Variants in ERI1 observed in about 807,000 individuals in gnomAD.
ERI1 encodes exoribonuclease 1, also known as 3'-5' exoribonuclease 1.
A neutral mutation model predicts 39.7 loss-of-function variants in ERI1; 39 were observed. The observed-to-expected ratio is 0.98, with a 90% confidence interval of 0.76 to 1.28. The LOEUF (loss-of-function observed/expected upper bound fraction) is 1.28, where lower values mean the gene tolerates loss of function less well. Among genes scored for constraint, ERI1 ranks in the 50% most tolerant of loss-of-function variants. ERI1 has a pLI of 0.00. For synonymous variants in ERI1, 204 were observed against 149.6 expected (o/e 1.36, Z -2.65); for missense variants, 581 against 416.9 (o/e 1.39, Z -3.43).
In ERI1 at chr8:9,054,214, C is replaced by G. The variant is rs536411479; in HGVS notation, n.299+33750C>G. Among the ~76,000 whole-genome samples, 104 of 152,236 alleles carry G rather than the reference C, an allele frequency of 6.8e-4. 1 individual carries two copies. In the South Asian group the frequency reaches 0.021, roughly 31 times the overall value. On this transcript the variant is annotated intron_variant and non_coding_transcript_variant, in intron 3 of 3. Coordinates refer to the ERI1 transcript ENST00000518663. ...TGTTTTAGAGCACATTTTAAATAAC[C>G]TATTTTGGACTCATGGCAGGCTCCC...
chr8:9,080,672 T>C (rs1799340705), intron 3 of ERI1, among the ~76,000 whole-genome samples: 1 of 152,132 alleles, frequency 6.6e-6, no homozygotes, highest in South Asian at 2.1e-4. Flanking sequence ...TGTCTTTGGG[T>C]TCTAGCAGCA....
At chr8:9,007,887 G>C in intron 1 of ERI1, 83 bp from the exon 2 acceptor site, 1 of 1,487,054 alleles carries the variant, frequency 6.7e-7, no homozygotes, top group Non-Finnish European at 8.9e-7. Context: ...AAGTTTGAAA[G>C]TTTGAATCTT....
Position 9,080,120 on chromosome 8 carries a change from A to C in ERI1, n.300-36228A>C, listed in dbSNP as rs73520739. Among the ~76,000 whole-genome samples the C allele has an allele frequency of 5.3e-3, 804 of 152,186 alleles. 7 individuals are homozygous for C. Among genetic ancestry groups the C allele is most frequent in the Middle Eastern group, 0.014 (4 of 294 alleles). On this transcript the variant is annotated intron_variant and non_coding_transcript_variant, in intron 3 of 3. Coordinates refer to the ERI1 transcript ENST00000518663. ...CATTGTTAGGCTATAGGGTGTGGTT[A>C]TAGTGTTTGATGTGGCATTATTAGG...
chr8:9,036,691 AT>A (rs931058552), downstream of ERI1, among the ~76,000 whole-genome samples: 19 of 149,510 alleles, frequency 1.3e-4, no homozygotes, highest in East Asian at 2.0e-4. Flanking sequence ...AATACAAGTC[AT>A]TTTTTTTTTC....
chr8:9,068,570 C>T (rs1299566805), intron 3 of ERI1, among the ~76,000 whole-genome samples: 1 of 152,090 alleles, frequency 6.6e-6, no homozygotes, highest in African/African-American at 2.4e-5. Context: ...CCATAGGGGT[C>T]TTTATTGAGC....
intron 1 of ERI1, among the ~76,000 whole-genome samples, chr8:9,004,498 T>A: frequency 6.8e-6 from 1 of 146,120 alleles, no homozygotes; most frequent in Non-Finnish European, 1.5e-5. Flanking sequence ...TTTTTTTTTT[T>A]TTTTTTTTTT....
chr8:9,017,965 A>G (rs1175986957), intron 4 of ERI1, among the ~76,000 whole-genome samples: 3 of 152,208 alleles, frequency 2.0e-5, no homozygotes, highest in African/African-American at 7.2e-5. Flanking sequence ...TGTGGCTTTC[A>G]GCTTAGAAGA....
intron 3 of ERI1, among the ~76,000 whole-genome samples, chr8:9,045,225 G>C (rs1410805234): frequency 5.5e-5 from 6 of 108,190 alleles, no homozygotes; most frequent in Non-Finnish European, 9.1e-5. Context: ...GACAGAGTGA[G>C]ACTCTGTCTC....
In ERI1 at chr8:9,015,722, C is replaced by CAAAAAAAAAAA. The variant is rs758835506; in HGVS notation, c.499-591_499-581dup. ...GGGAGACAGAGCGAGACTCTGTCTC[C>CAAAAAAAAAAA]AAAAAAAAAAAAAAAAAAAGAGACC... On this transcript the variant is annotated intron_variant, in intron 3 of 6. Coordinates refer to ENST00000250263, the MANE Select transcript of ERI1 (RefSeq NM_153332.4). Among the ~76,000 whole-genome samples the CAAAAAAAAAAA allele has an allele frequency of 2.8e-3, 160 of 56,568 alleles. 22 individuals are homozygous for CAAAAAAAAAAA. The highest frequency in any genetic ancestry group is 0.011 in the African/African-American group (131 of 12,266). The allele number at this position is 56,568 out of a possible 152,430, so 37.1% of individuals were successfully genotyped here. A position where few individuals can be genotyped will look rare whatever the true frequency, so the allele number is the denominator to read the frequency against.
At chr8:9,068,842 G>A (rs1053137284) in intron 3 of ERI1, among the ~76,000 whole-genome samples, 4 of 151,948 alleles carry the variant, frequency 2.6e-5, no homozygotes, top group Admixed American at 2.0e-4. Context: ...TTTGAGACAG[G>A]GTCTCTTTCT....
chr8:9,012,577 G>C (rs758453523), intron 3 of ERI1, among the ~76,000 whole-genome samples: 1 of 152,122 alleles, frequency 6.6e-6, no homozygotes, highest in African/African-American at 2.4e-5. Flanking sequence ...CTTATCCAAA[G>C]CAGATTGAAG....
rs758357393 is a variant in ERI1 at position 9,073,543 on chromosome 8, C to G, written n.300-42805C>G. Reference sequence around the variant, plus strand: ...TGAGTTTTCCAGTTCAATTTTTAACCATTCCATATTCAAATATTGTTTTGA... The same window carrying G: ...TGAGTTTTCCAGTTCAATTTTTAACGATTCCATATTCAAATATTGTTTTGA... On this transcript the variant is annotated intron_variant and non_coding_transcript_variant, in intron 3 of 3. Transcript: ENST00000518663. Among the ~76,000 whole-genome samples, 5 of 152,214 alleles carry G rather than the reference C, an allele frequency of 3.3e-5. 1 individual carries two copies. In the Middle Eastern group the frequency reaches 0.017, roughly 518 times the overall value.
intron 1 of ERI1, among the ~76,000 whole-genome samples, chr8:9,007,163 C>A (rs1363844128): frequency 6.6e-6 from 1 of 152,072 alleles, no homozygotes; most frequent in African/African-American, 2.4e-5. Context: ...CATGTTTTTT[C>A]TTAACAGATT....
downstream of ERI1, among the ~76,000 whole-genome samples, chr8:9,035,104 TAAAG>T (rs754277483): frequency 8.5e-5 from 13 of 152,184 alleles, no homozygotes; most frequent in Non-Finnish European, 1.8e-4. Context: ...CCATGAAATT[TAAAG>T]AAAGAAGCTG....
chr8:9,058,877 T>A (rs1470550486), intron 3 of ERI1, among the ~76,000 whole-genome samples: 1 of 150,166 alleles, frequency 6.7e-6, no homozygotes, highest in African/African-American at 2.4e-5. Flanking sequence ...AAATCTTTTA[T>A]CTTTGGCCTT....
chr8:9,036,588 A>C (rs956139067), downstream of ERI1, among the ~76,000 whole-genome samples: 4 of 152,216 alleles, frequency 2.6e-5, no homozygotes, highest in African/African-American at 9.6e-5. Context: ...GAGTTGCTTC[A>C]TTGTGATACT....
At chr8:9,020,730 A>T (rs1373470284) in intron 6 of ERI1, among the ~76,000 whole-genome samples, 1 of 152,140 alleles carries the variant, frequency 6.6e-6, no homozygotes, top group Non-Finnish European at 1.5e-5. Context: ...TTGTTCATGG[A>T]GCAAATGCTC....
intron 3 of ERI1, among the ~76,000 whole-genome samples, chr8:9,042,712 T>C (rs1303956878): frequency 6.6e-6 from 1 of 152,214 alleles, no homozygotes; most frequent in Non-Finnish European, 1.5e-5. Flanking sequence ...GCATCCCTAG[T>C]GCGAGAATCA....
chr8:9,061,239 G>C (rs1375770048), intron 3 of ERI1, among the ~76,000 whole-genome samples: 1 of 152,216 alleles, frequency 6.6e-6, no homozygotes, highest in East Asian at 1.9e-4. Context: ...GGAAATATGG[G>C]GAAATGGGGT....
Sources: gnomAD v4.1 joint callset for allele counts (sites outside exome capture counted in the v4.1 genomes callset) on GRCh38, gnomAD v4.1.1 for gene constraint, MANE v1.5 for transcripts, NCBI Gene and HGNC (gene_info 2026-07-23, HGNC 2026-07-21) for gene names.